The following SAMMSON variants were observed in gnomAD, a reference collection of about 807,000 sequenced individuals.
SAMMSON encodes long intergenic non-protein coding RNA 1212.
chr3:70,384,758 A>G (rs1355123843), intron 9 of SAMMSON, among the ~76,000 whole-genome samples: 1 of 152,084 alleles, frequency 6.6e-6, no homozygotes, highest in Non-Finnish European at 1.5e-5. Context: ...ACTGCCATCT[A>G]AAAGTGGTAG....
Position 70,368,333 on chromosome 3 carries a change from T to C in SAMMSON, n.913+10009T>C, listed in dbSNP as rs1702937166. Among the ~76,000 whole-genome samples, 3 of 151,526 alleles carry C rather than the reference T, an allele frequency of 2.0e-5. No individual in the cohort carries two copies. In the South Asian group the frequency reaches 6.2e-4, roughly 32 times the overall value. ...TAATGTTAAACCAAATAATAGTAAA[T>C]AAATAAAACTATATGAGCAGCATGA... is the stretch of plus-strand genomic sequence containing the variant. On this transcript the variant is annotated intron_variant and non_coding_transcript_variant, in intron 9 of 9. Coordinates refer to ENST00000642114, the Ensembl canonical transcript of SAMMSON.
At chr3:70,000,618 G>C (rs1377016854) in intron 1 of SAMMSON, among the ~76,000 whole-genome samples, 3 of 152,106 alleles carry the variant, frequency 2.0e-5, no homozygotes, top group Non-Finnish European at 4.4e-5. Flanking sequence ...AATGTTCTAT[G>C]CTTACTGTAT....
chr3:70,127,956 T>C (rs1161385848), intron 4 of SAMMSON, among the ~76,000 whole-genome samples: 1 of 152,214 alleles, frequency 6.6e-6, no homozygotes, highest in Non-Finnish European at 1.5e-5. Flanking sequence ...CCACATTTTA[T>C]AGATGATAGT....
intron 4 of SAMMSON, among the ~76,000 whole-genome samples, chr3:70,110,830 C>T (rs1439420588): frequency 6.6e-6 from 1 of 152,120 alleles, no homozygotes; most frequent in African/African-American, 2.4e-5. Flanking sequence ...CGTACGCCAC[C>T]TACTTGAAAA....
intron 3 of SAMMSON, among the ~76,000 whole-genome samples, chr3:70,059,997 T>A (rs17729489): frequency 6.6e-6 from 1 of 151,890 alleles, no homozygotes; most frequent in African/African-American, 2.4e-5. Context: ...CAAAAATCTA[T>A]GAAGTGCTGT....
intron 3 of SAMMSON, among the ~76,000 whole-genome samples, chr3:70,028,941 C>A (rs1253229921): frequency 6.6e-6 from 1 of 152,164 alleles, no homozygotes; most frequent in African/African-American, 2.4e-5. Flanking sequence ...AGTTGTTAAG[C>A]CCATTTGACA....
chr3:70,045,032 TATTATAATTAATATATATAATTAATTATA>T (rs2067119455), intron 3 of SAMMSON, among the ~76,000 whole-genome samples: 2 of 123,650 alleles, frequency 1.6e-5, no homozygotes, highest in Non-Finnish European at 3.2e-5. Context: ...TTATAATATA[TATTATAATTAATATATATAATTAATTATA>T]ATATATATTA....
At chr3:70,289,977 G>A (rs1702214807) in intron 6 of SAMMSON, among the ~76,000 whole-genome samples, 1 of 152,030 alleles carries the variant, frequency 6.6e-6, no homozygotes, top group Admixed American at 6.6e-5. Flanking sequence ...TCTTTTCAAA[G>A]TTTTCAACTT....
intron 5 of SAMMSON, chr3:70,249,293 G>A (rs1214462289): frequency 6.6e-6 from 1 of 152,110 alleles, no homozygotes; most frequent in South Asian, 2.1e-4. Context: ...TTTATGTAGT[G>A]CCTTCTTTCT....
At chr3:70,089,879 T>A (rs2067299325) in intron 4 of SAMMSON, among the ~76,000 whole-genome samples, 1 of 152,128 alleles carries the variant, frequency 6.6e-6, no homozygotes, top group African/African-American at 2.4e-5. Context: ...GCCCTGCATC[T>A]CTCCCCTTTG....
chr3:70,396,636 T>G (rs759017709), intron 2 of SAMMSON, among the ~76,000 whole-genome samples: 6 of 152,228 alleles, frequency 3.9e-5, no homozygotes, highest in Non-Finnish European at 5.9e-5. Context: ...GCTGAATACA[T>G]GATTCTAGAG....
At chr3:70,286,610 C>A (rs1702166509) in intron 6 of SAMMSON, among the ~76,000 whole-genome samples, 1 of 151,868 alleles carries the variant, frequency 6.6e-6, no homozygotes, top group South Asian at 2.1e-4. Flanking sequence ...TCATTGGTAG[C>A]TTGATGGGGA....
intron 4 of SAMMSON, among the ~76,000 whole-genome samples, chr3:70,103,283 T>G (rs2067353014): frequency 6.6e-6 from 1 of 152,236 alleles, no homozygotes; most frequent in Middle Eastern, 3.4e-3. Context: ...AAACAAAATA[T>G]GCCAGATTGC....
intron 4 of SAMMSON, among the ~76,000 whole-genome samples, chr3:70,083,711 T>G (rs1052398280): frequency 6.6e-6 from 1 of 152,178 alleles, no homozygotes; most frequent in South Asian, 2.1e-4. Context: ...CTGGTCTCAG[T>G]TCTGCATATC....
chr3:70,377,013 G>C (rs1198343242), intron 9 of SAMMSON, among the ~76,000 whole-genome samples: 2 of 151,940 alleles, frequency 1.3e-5, no homozygotes, highest in Non-Finnish European at 2.9e-5. Context: ...ATAAAGCAAA[G>C]GCATACCATT....
At chr3:70,294,726 C>T (rs1046581628) in intron 7 of SAMMSON, among the ~76,000 whole-genome samples, 2 of 152,072 alleles carry the variant, frequency 1.3e-5, no homozygotes, top group Non-Finnish European at 1.5e-5. Context: ...AAATCAATGG[C>T]ACAACACCAC....
chr3:70,341,153 G>C (rs1702708040), intron 7 of SAMMSON, among the ~76,000 whole-genome samples: 1 of 151,938 alleles, frequency 6.6e-6, no homozygotes. Context: ...TTGGGATATA[G>C]TTTCTTGATG....
At chr3:70,045,301 A>G (rs1006733130) in intron 3 of SAMMSON, among the ~76,000 whole-genome samples, 8 of 149,616 alleles carry the variant, frequency 5.3e-5, no homozygotes, top group Non-Finnish European at 1.0e-4. Context: ...TACCCCAGAC[A>G]TTTTTGCAGG....
intron 7 of SAMMSON, among the ~76,000 whole-genome samples, chr3:70,324,466 A>AAT (rs1702564016): frequency 6.6e-6 from 1 of 151,724 alleles, no homozygotes; most frequent in Admixed American, 6.6e-5. Flanking sequence ...ATATTTGAGA[A>AAT]ACTGAAATCA....
Sources: allele counts gnomAD v4.1 joint callset (sites outside exome capture counted in the v4.1 genomes callset), GRCh38; gene constraint gnomAD v4.1.1; transcripts MANE v1.5; gene names NCBI Gene and HGNC (gene_info 2026-07-23, HGNC 2026-07-21).